The following ZNF722 variants were observed in gnomAD, a reference collection of about 807,000 sequenced individuals.
ZNF722 encodes the protein zinc finger protein 722, also known as zinc finger protein 479 pseudogene.
chr7:64,015,448 G>C, the ZNF722 span: 4 of 1,605,180 alleles, frequency 2.5e-6, no homozygotes, highest in Non-Finnish European at 3.4e-6. Context: ...TCCTCAAACT[G>C]TACTACACAT....
the ZNF722 span, among the ~76,000 whole-genome samples, chr7:64,008,878 A>C: frequency 6.6e-6 from 1 of 152,224 alleles, no homozygotes; most frequent in African/African-American, 2.4e-5. Flanking sequence ...ATCCATGAGC[A>C]TGGAATGTTC....
chr7:64,002,976 G>A, the ZNF722 span, among the ~76,000 whole-genome samples: 1 of 152,206 alleles, frequency 6.6e-6, no homozygotes, highest in African/African-American at 2.4e-5. Flanking sequence ...AGCACAGTCA[G>A]CATTTACAGG....
the ZNF722 span, among the ~76,000 whole-genome samples, chr7:64,010,820 ATCTG>A: frequency 6.6e-6 from 1 of 152,104 alleles, no homozygotes; most frequent in East Asian, 1.9e-4. Context: ...TGTCTTGTTG[ATCTG>A]TCTAATATTG....
chr7:64,000,225 T>C, the ZNF722 span, among the ~76,000 whole-genome samples: 1 of 149,304 alleles, frequency 6.7e-6, no homozygotes, highest in Non-Finnish European at 1.5e-5. Flanking sequence ...CCCCCTCCCA[T>C]GTTCATGCGA....
chr7:64,017,285 G>T, the ZNF722 span, among the ~76,000 whole-genome samples: 2 of 152,170 alleles, frequency 1.3e-5, no homozygotes, highest in Non-Finnish European at 2.9e-5. Flanking sequence ...TTGGGAGGCT[G>T]AGGCAGGCGA....
At chr7:64,014,632 A>G in the ZNF722 span, among the ~76,000 whole-genome samples, 1 of 152,004 alleles carries the variant, frequency 6.6e-6, no homozygotes, top group African/African-American at 2.4e-5. Flanking sequence ...TACTTTCTAC[A>G]CCTATTTTCT....
the ZNF722 span, among the ~76,000 whole-genome samples, chr7:64,002,648 C>A: frequency 6.6e-6 from 1 of 152,146 alleles, no homozygotes; most frequent in Non-Finnish European, 1.5e-5. Flanking sequence ...TAGCAACTCC[C>A]AGAGTGCTAT....
At chr7:64,008,470 A>G in the ZNF722 span, among the ~76,000 whole-genome samples, 1 of 152,212 alleles carries the variant, frequency 6.6e-6, no homozygotes, top group African/African-American at 2.4e-5. Context: ...ATGGCTAGCC[A>G]GTTTTCCCAG....
chr7:64,011,509 G>A, the ZNF722 span, among the ~76,000 whole-genome samples: 10 of 152,100 alleles, frequency 6.6e-5, no homozygotes, highest in Non-Finnish European at 1.5e-4. Flanking sequence ...CATTTATGAA[G>A]CTTAGTTTGG....
chr7:64,005,350 G>C, the ZNF722 span, among the ~76,000 whole-genome samples: 1 of 152,042 alleles, frequency 6.6e-6, no homozygotes, highest in African/African-American at 2.4e-5. Flanking sequence ...CCATGTTGAT[G>C]CCCTTAATTT....
At chr7:64,013,321 G>A in the ZNF722 span, among the ~76,000 whole-genome samples, 1 of 151,774 alleles carries the variant, frequency 6.6e-6, no homozygotes. Flanking sequence ...TGTTATATAT[G>A]CCTATACATA....
the ZNF722 span, chr7:63,998,985 T>C: frequency 6.3e-7 from 1 of 1,577,522 alleles, no homozygotes; most frequent in Non-Finnish European, 8.7e-7. Context: ...CGGGATCCCC[T>C]GGAAGCCGAG....
At chr7:64,007,594 G>A in the ZNF722 span, among the ~76,000 whole-genome samples, 1 of 152,106 alleles carries the variant, frequency 6.6e-6, no homozygotes, top group Non-Finnish European at 1.5e-5. Context: ...TGGCTGCATA[G>A]TATTCCATGG....
At chr7:64,006,066 A>G in the ZNF722 span, among the ~76,000 whole-genome samples, 5 of 152,202 alleles carry the variant, frequency 3.3e-5, no homozygotes, top group Admixed American at 6.5e-5. Flanking sequence ...AAGGACTTAC[A>G]AATTTAAAAT....
At chr7:64,011,437 A>G in the ZNF722 span, among the ~76,000 whole-genome samples, 1 of 152,194 alleles carries the variant, frequency 6.6e-6, no homozygotes, top group East Asian at 1.9e-4. Flanking sequence ...CTTGTAAGGC[A>G]GGCCTGGTGG....
At chr7:64,008,602 T>C in the ZNF722 span, among the ~76,000 whole-genome samples, 2 of 152,208 alleles carry the variant, frequency 1.3e-5, no homozygotes, top group African/African-American at 4.8e-5. Context: ...CATTGGTCTA[T>C]ATCTCTGTTT....
chr7:64,007,230 G>GTGTATATATA, the ZNF722 span, among the ~76,000 whole-genome samples: 850 of 138,434 alleles, frequency 6.1e-3, 5 homozygotes, highest in Middle Eastern at 0.016. Context: ...GTTTGTGTGT[G>GTGTATATATA]TATATATATA....
At chr7:63,999,182 G>A in the ZNF722 span, among the ~76,000 whole-genome samples, 2 of 152,296 alleles carry the variant, frequency 1.3e-5, no homozygotes, top group Non-Finnish European at 2.9e-5. Context: ...GCCAGCGGCT[G>A]GGACCCTGGG....
chr7:64,006,359 A>G, the ZNF722 span: 8 of 1,196,498 alleles, frequency 6.7e-6, no homozygotes, highest in Non-Finnish European at 1.2e-6. Flanking sequence ...CAGATGAGAG[A>G]TACACAAATC....
Sources: allele counts gnomAD v4.1 joint callset (sites outside exome capture counted in the v4.1 genomes callset), GRCh38; gene constraint gnomAD v4.1.1; transcripts MANE v1.5; gene names NCBI Gene and HGNC (gene_info 2026-07-23, HGNC 2026-07-21).